Variants in EIF2B3 observed in about 807,000 individuals in gnomAD.
EIF2B3 encodes the protein translation initiation factor eIF2B subunit gamma.
Under a neutral mutation model 54.1 loss-of-function variants are expected in EIF2B3, and 20 were observed. The ratio of observed to expected loss-of-function variants is 0.37; its 90% confidence interval spans 0.26 to 0.54. EIF2B3 has a LOEUF of 0.54. Among genes scored for constraint, EIF2B3 ranks in the 20% least tolerant of loss-of-function variants. EIF2B3 has a pLI of 0.86. For synonymous variants in EIF2B3, 153 were observed against 188.1 expected, an observed-to-expected ratio of 0.81 and a Z score of 1.52; for missense variants, 448 against 547.8, an observed-to-expected ratio of 0.82 and a Z score of 1.82.
At chr1:44,949,726 C>T (rs1000065384) in intron 3 of EIF2B3, among the ~76,000 whole-genome samples, 3 of 152,160 alleles carry the variant, frequency 2.0e-5, no homozygotes, top group Non-Finnish European at 4.4e-5. Context: ...AAGCAGCTGT[C>T]CTGGAGGGCA....
chr1:44,893,748 G>A (rs1655877513), intron 6 of EIF2B3, among the ~76,000 whole-genome samples: 1 of 151,508 alleles, frequency 6.6e-6, no homozygotes, highest in Non-Finnish European at 1.5e-5. Flanking sequence ...GAGGCTGACT[G>A]TAACCGTGGA....
chr1:44,877,734 A>G (rs1459359383), intron 8 of EIF2B3, among the ~76,000 whole-genome samples: 1 of 152,166 alleles, frequency 6.6e-6, no homozygotes, highest in Non-Finnish European at 1.5e-5. Flanking sequence ...CTACCAGTCT[A>G]TTAGGAAGGC....
chr1:44,886,762 G>A (rs902134745), intron 6 of EIF2B3, among the ~76,000 whole-genome samples: 1 of 152,196 alleles, frequency 6.6e-6, no homozygotes, highest in African/African-American at 2.4e-5. Flanking sequence ...CCTCACTTCT[G>A]ATTTCTGTAC....
At chr1:44,907,565 AC>A (rs2148920263) in intron 5 of EIF2B3, among the ~76,000 whole-genome samples, 1 of 150,706 alleles carries the variant, frequency 6.6e-6, no homozygotes, top group East Asian at 2.0e-4. Context: ...TCAAAAACAA[AC>A]AAAAAATGCT....
At chr1:44,886,807 G>T (rs1655601756) in intron 6 of EIF2B3, among the ~76,000 whole-genome samples, 1 of 152,174 alleles carries the variant, frequency 6.6e-6, no homozygotes, top group Admixed American at 6.5e-5. Flanking sequence ...ATTGTCAAAT[G>T]CCTCTGACCA....
At chr1:44,952,125 G>C (rs1392847182) in intron 3 of EIF2B3, among the ~76,000 whole-genome samples, 3 of 137,846 alleles carry the variant, frequency 2.2e-5, no homozygotes, top group African/African-American at 8.2e-5. Flanking sequence ...ACTACGCCCG[G>C]CTAATTTTTT....
intron 5 of EIF2B3, among the ~76,000 whole-genome samples, chr1:44,899,688 T>C (rs1229633824): frequency 6.6e-6 from 1 of 152,104 alleles, no homozygotes; most frequent in Non-Finnish European, 1.5e-5. Flanking sequence ...CAACAACAGA[T>C]GCCGGTGAGA....
At chr1:44,955,351 T>C (rs904055951) in intron 3 of EIF2B3, among the ~76,000 whole-genome samples, 1 of 152,100 alleles carries the variant, frequency 6.6e-6, no homozygotes, top group Non-Finnish European at 1.5e-5. Flanking sequence ...TTATACCTTA[T>C]ACAAAAATTA....
chr1:44,923,968 T>C (rs1643802532), intron 5 of EIF2B3, among the ~76,000 whole-genome samples: 1 of 144,754 alleles, frequency 6.9e-6, no homozygotes, highest in African/African-American at 2.7e-5. Flanking sequence ...TGAGACAGAG[T>C]CTCGCTGTGT....
intron 4 of EIF2B3, among the ~76,000 whole-genome samples, chr1:44,928,901 A>G (rs774690428): frequency 1.3e-5 from 2 of 152,198 alleles, no homozygotes; most frequent in Non-Finnish European, 2.9e-5. Flanking sequence ...ATGATTAAGA[A>G]CAGAACTTCT....
At chr1:44,981,443 A>G (rs552573569) in intron 1 of EIF2B3, among the ~76,000 whole-genome samples, 6 of 152,324 alleles carry the variant, frequency 3.9e-5, no homozygotes, top group African/African-American at 1.4e-4. Flanking sequence ...TTAAGTGGAG[A>G]AGACAAATTC....
intron 8 of EIF2B3, among the ~76,000 whole-genome samples, chr1:44,879,213 C>A (rs961047290): frequency 6.6e-6 from 1 of 152,184 alleles, no homozygotes; most frequent in African/African-American, 2.4e-5. Context: ...CTCTCCACCC[C>A]CTGCCTTCAT....
At chr1:44,899,174 G>A (rs1656080544) in intron 5 of EIF2B3, among the ~76,000 whole-genome samples, 1 of 152,178 alleles carries the variant, frequency 6.6e-6, no homozygotes, top group Admixed American at 6.5e-5. Flanking sequence ...CTTTATGGAA[G>A]TGTCATTTAC....
At chr1:44,872,890 A>G (rs1367412590) in intron 10 of EIF2B3, among the ~76,000 whole-genome samples, 1 of 152,174 alleles carries the variant, frequency 6.6e-6, no homozygotes, top group African/African-American at 2.4e-5. Flanking sequence ...GCCTAGCACA[A>G]TCTTAATCAG....
chr1:44,940,051 A>G (rs1644003217), intron 4 of EIF2B3, among the ~76,000 whole-genome samples: 1 of 152,202 alleles, frequency 6.6e-6, no homozygotes, highest in African/African-American at 2.4e-5. Flanking sequence ...GTATCCAACA[A>G]TTAATCTGCA....
intron 10 of EIF2B3, among the ~76,000 whole-genome samples, chr1:44,862,102 T>A (rs183301927): frequency 2.7e-4 from 41 of 152,314 alleles, no homozygotes; most frequent in African/African-American, 9.4e-4. Flanking sequence ...GTCTTTTCTG[T>A]TTAGTGCCTA....
At chr1:44,879,384 G>A (rs1039461212) in intron 8 of EIF2B3, among the ~76,000 whole-genome samples, 3 of 152,172 alleles carry the variant, frequency 2.0e-5, no homozygotes, top group Non-Finnish European at 4.4e-5. Context: ...CTTTCCTGAG[G>A]CTTTGCCATC....
Position 44,875,685 on chromosome 1 carries a change from A to AATTTGGGCACCTTAAGGACAGAG in EIF2B3, c.976-13_985dup (p.Leu329SerfsTer61), listed in dbSNP as rs1285669025. 6.2e-7 allele frequency: 1 copy of AATTTGGGCACCTTAAGGACAGAG among 1,614,122 alleles called. No individual in the cohort carries two copies. Among genetic ancestry groups the AATTTGGGCACCTTAAGGACAGAG allele is most frequent in the East Asian group, 2.2e-5 (1 of 44,882 alleles). ...TTCTTCTGGACAGAGAGCAGACAGC[A>AATTTGGGCACCTTAAGGACAGAG]ATTTGGGCACCTTAAGGACAGAGAT... On this transcript the variant is annotated frameshift_variant, in exon 9 of 12. Coordinates refer to ENST00000360403, the MANE Select transcript of EIF2B3 (RefSeq NM_020365.5). LOFTEE classifies it high-confidence loss of function.
chr1:44,921,900 T>A (rs908657857), intron 5 of EIF2B3, among the ~76,000 whole-genome samples: 7 of 144,272 alleles, frequency 4.9e-5, no homozygotes, highest in East Asian at 3.9e-4. Context: ...ATATATATTT[T>A]TTTATTTTAT....
Sources: gnomAD v4.1 joint callset for allele counts (sites outside exome capture counted in the v4.1 genomes callset) on GRCh38, gnomAD v4.1.1 for gene constraint, MANE v1.5 for transcripts, NCBI Gene and HGNC (gene_info 2026-07-23, HGNC 2026-07-21) for gene names.